SLC12A7: variants seen among roughly 807,000 people sequenced by gnomAD.
SLC12A7 encodes K-Cl cotransporter 4.
In SLC12A7, 100 loss-of-function variants were observed where a neutral mutation model predicts 120.6. That is an observed-to-expected ratio of 0.83 (90% CI 0.71 to 0.98). The LOEUF (loss-of-function observed/expected upper bound fraction) is 0.98. SLC12A7 is among the 50% of genes least tolerant of loss of function. The pLI, the probability that SLC12A7 is intolerant of heterozygous loss-of-function variation, is 0.00. For synonymous variants in SLC12A7, 760 were observed against 678.0 expected, an observed-to-expected ratio of 1.12 and a Z score of -1.88; for missense variants, 1,373 against 1,548.1, an observed-to-expected ratio of 0.89 and a Z score of 1.90.
At chr5:1,079,295 G>T in intron 10 of SLC12A7, 103 bp downstream of exon 10, 1 of 880,930 alleles carries the variant, frequency 1.1e-6, no homozygotes. Flanking sequence ...AACCTGGGAA[G>T]TCACATGCTG....
At chr5:1,075,002 T>C (rs1170380210) in intron 15 of SLC12A7, among the ~76,000 whole-genome samples, 2 of 143,876 alleles carry the variant, frequency 1.4e-5, no homozygotes, top group Non-Finnish European at 3.0e-5. Context: ...GGAGGGAGGG[T>C]GGGTGCTGGG....
At chr5:1,054,480 C>T (rs769879672) in intron 22 of SLC12A7, among the ~76,000 whole-genome samples, 33 of 152,368 alleles carry the variant, frequency 2.2e-4, no homozygotes, top group Admixed American at 4.6e-4. Flanking sequence ...GCAGAACTGG[C>T]GTTCCAGGAG....
intron 1 of SLC12A7, among the ~76,000 whole-genome samples, chr5:1,098,284 TCTG>T (rs1741556341): frequency 7.3e-5 from 1 of 13,642 alleles, no homozygotes; most frequent in East Asian, 2.2e-3. Context: ...CCCACAACCC[TCTG>T]CAAGCCCAGC....
chr5:1,080,278 CCACGGCGCGGAGACACCAGGAGCCA>C (rs1209334487), intron 9 of SLC12A7, among the ~76,000 whole-genome samples: 10 of 4,758 alleles, frequency 2.1e-3, no homozygotes, highest in Middle Eastern at 0.1. Context: ...CGCCCTCCAC[CCACGGCGCGGAGACACCAGGAGCCA>C]CGCAGAGGCT....
chr5:1,103,942 G>T lies in SLC12A7; in HGVS notation c.124+7926C>A, dbSNP rs577646783. Among the ~76,000 whole-genome samples, 264 of 152,360 alleles carry T rather than the reference G, an allele frequency of 1.7e-3. 1 individual carries two copies. Among genetic ancestry groups the T allele is most frequent in the African/African-American group, 6.2e-3 (258 of 41,582 alleles). ...GGGGCCGTGGGGTCCCCTAGTTCCAGAGACTCGGGGCCCAGGCAGCCTGCA... is the reference window on the plus strand; with the variant it reads ...GGGGCCGTGGGGTCCCCTAGTTCCATAGACTCGGGGCCCAGGCAGCCTGCA... On this transcript the variant is annotated intron_variant, in intron 1 of 23. Transcript: ENST00000264930.
At chr5:1,054,370 A>T (rs1316509955) in intron 22 of SLC12A7, among the ~76,000 whole-genome samples, 2 of 152,186 alleles carry the variant, frequency 1.3e-5, no homozygotes, top group Non-Finnish European at 2.9e-5. Context: ...GTTTGGGGAC[A>T]CTGCAGAATC....
the SLC12A7 span, among the ~76,000 whole-genome samples, chr5:1,144,613 G>A: frequency 6.6e-6 from 1 of 152,188 alleles, no homozygotes; most frequent in African/African-American, 2.4e-5. Flanking sequence ...CACCCGCCTT[G>A]AAAATGACCC....
Position 1,064,024 on chromosome 5 carries a change from G to A in SLC12A7, c.2608-49C>T, listed in dbSNP as rs534347051. The A allele has an allele frequency of 2.1e-4, 344 of 1,603,888 alleles. 6 individuals are homozygous for A. In the South Asian group the frequency reaches 2.4e-3, roughly 11 times the overall value. ...GTGGGGCCTCAGAGGAGCCCGTCCC[G>A]GCCCGCAGCACGTGGGGTGGCCGTG... On this transcript the variant is annotated intron_variant, in intron 19 of 23. Coordinates refer to ENST00000264930, the MANE Select transcript of SLC12A7 (RefSeq NM_006598.3).
chr5:1,132,949 C>T, the SLC12A7 span, among the ~76,000 whole-genome samples: 2 of 152,204 alleles, frequency 1.3e-5, no homozygotes, highest in Admixed American at 6.5e-5. Context: ...CTCGCTCTGT[C>T]ATCTAGGCTG....
chr5:1,089,191 C>G, intron 3 of SLC12A7, 63 bp from the exon 4 acceptor site: 2 of 1,569,090 alleles, frequency 1.3e-6, no homozygotes, highest in Non-Finnish European at 1.7e-6. Flanking sequence ...GCCCCCTCCC[C>G]AGGCTGCACT....
At chr5:1,096,406 G>GA (rs1419359873) in intron 1 of SLC12A7, among the ~76,000 whole-genome samples, 1 of 152,078 alleles carries the variant, frequency 6.6e-6, no homozygotes, top group Non-Finnish European at 1.5e-5. Flanking sequence ...CAGGTTAAAA[G>GA]AAAAATTACA....
chr5:1,155,687 C>A, the SLC12A7 span, among the ~76,000 whole-genome samples: 1 of 151,114 alleles, frequency 6.6e-6, no homozygotes, highest in African/African-American at 2.4e-5. Context: ...AGCGGCCGGG[C>A]TCGCGGCAGT....
At chr5:1,113,125 A>G (rs1480519398), upstream of SLC12A7, among the ~76,000 whole-genome samples, 3 of 152,234 alleles carry the variant, frequency 2.0e-5, no homozygotes, top group African/African-American at 7.2e-5. Context: ...GATGTCCGTC[A>G]ATGGGGAATT....
intron 14 of SLC12A7, chr5:1,075,799 G>A: frequency 2.0e-6 from 1 of 497,374 alleles, no homozygotes; most frequent in East Asian, 3.1e-5. Context: ...TCCTGGGGAG[G>A]GGAGTTAAGA....
At chr5:1,058,986 G>T (rs1166040615) in intron 21 of SLC12A7, among the ~76,000 whole-genome samples, 1 of 152,168 alleles carries the variant, frequency 6.6e-6, no homozygotes, top group Non-Finnish European at 1.5e-5. Flanking sequence ...GTCCCTCCTC[G>T]GTCAGCATTT....
intron 2 of SLC12A7, 45 bp from the exon 3 acceptor site, chr5:1,093,700 G>A (rs765157585): frequency 6.2e-7 from 1 of 1,605,002 alleles, no homozygotes; most frequent in Non-Finnish European, 8.5e-7. Flanking sequence ...ACCTCGCCGT[G>A]GGCCCCCCGA....
intron 9 of SLC12A7, among the ~76,000 whole-genome samples, chr5:1,080,139 C>T (rs1290752014): frequency 1.3e-5 from 2 of 151,638 alleles, no homozygotes; most frequent in African/African-American, 2.4e-5. Flanking sequence ...CCCGGAGCCA[C>T]GCAGAGGCTC....
intron 8 of SLC12A7, among the ~76,000 whole-genome samples, chr5:1,082,438 G>C (rs542977228): frequency 1.4e-5 from 2 of 143,662 alleles, no homozygotes; most frequent in East Asian, 4.4e-4. Flanking sequence ...TCCCATCTTG[G>C]GTTCTGGAAA....
chr5:1,126,978 G>C, the SLC12A7 span, among the ~76,000 whole-genome samples: 1 of 152,090 alleles, frequency 6.6e-6, no homozygotes, highest in Non-Finnish European at 1.5e-5. Flanking sequence ...TGAAGATGAG[G>C]TCATCCTGGA....
Sources: allele counts gnomAD v4.1 joint callset (sites outside exome capture counted in the v4.1 genomes callset), GRCh38; gene constraint gnomAD v4.1.1; transcripts MANE v1.5; gene names NCBI Gene and HGNC (gene_info 2026-07-23, HGNC 2026-07-21).